Variants in NPAS3 observed in about 807,000 individuals in gnomAD.
NPAS3 encodes the protein neuronal PAS domain-containing protein 3.
A neutral mutation model predicts 73.1 loss-of-function variants in NPAS3; 14 were observed. That is an observed-to-expected ratio of 0.19 (90% CI 0.13 to 0.30). NPAS3 has a LOEUF of 0.30. Ranked by LOEUF, NPAS3 falls within the 10% of genes least tolerant of loss-of-function variation. The probability of loss-of-function intolerance (pLI) is 1.00; values close to 1 mark genes in which losing one functional copy is unlikely to be tolerated. For synonymous variants in NPAS3, 620 were observed against 541.5 expected (o/e 1.14, Z -2.01); for missense variants, 1,096 against 1,250.0 (o/e 0.88, Z 1.86).
chr14:32,944,222 A>C (rs78311055), intron 1 of NPAS3, among the ~76,000 whole-genome samples: 3,298 of 152,288 alleles, frequency 0.022, 115 homozygotes, highest in African/African-American at 0.075. Flanking sequence ...CCTCCATGCT[A>C]TGTTTACACA....
At chr14:33,040,939 T>A (rs548519577) in intron 1 of NPAS3, among the ~76,000 whole-genome samples, 1 of 152,190 alleles carries the variant, frequency 6.6e-6, no homozygotes, top group Non-Finnish European at 1.5e-5. Flanking sequence ...GGCTTGTTAC[T>A]GTTCCCAATT....
chr14:33,252,112 G>T (rs886507287), intron 3 of NPAS3, among the ~76,000 whole-genome samples: 1 of 148,258 alleles, frequency 6.7e-6, no homozygotes, highest in African/African-American at 2.5e-5. Context: ...ATTATGTTAG[G>T]ATCCACTTCT....
intron 3 of NPAS3, among the ~76,000 whole-genome samples, chr14:33,322,730 G>C (rs186029727): frequency 5.1e-4 from 77 of 152,130 alleles, no homozygotes; most frequent in African/African-American, 1.8e-3. Flanking sequence ...AACTACAGTA[G>C]GTGAACCAAA....
chr14:33,094,771 A>G (rs1595436058), intron 2 of NPAS3, among the ~76,000 whole-genome samples: 1 of 152,154 alleles, frequency 6.6e-6, no homozygotes, highest in African/African-American at 2.4e-5. Context: ...AGGCTGATGA[A>G]GTAATAACAG....
intron 4 of NPAS3, among the ~76,000 whole-genome samples, chr14:33,520,816 G>A (rs1296932986): frequency 6.6e-6 from 1 of 152,114 alleles, no homozygotes; most frequent in African/African-American, 2.4e-5. Flanking sequence ...TGAGTGGGAG[G>A]CAAGGCGAGG....
chr14:33,593,272 G>T (rs2057131774), intron 5 of NPAS3, among the ~76,000 whole-genome samples: 1 of 152,142 alleles, frequency 6.6e-6, no homozygotes. Flanking sequence ...ATTAAGGTTT[G>T]CCCAAAGTCT....
At chr14:32,989,537 G>C (rs978503271) in intron 1 of NPAS3, among the ~76,000 whole-genome samples, 5 of 151,954 alleles carry the variant, frequency 3.3e-5, no homozygotes, top group African/African-American at 1.2e-4. Flanking sequence ...CCAGCTACGC[G>C]GCAGGCTGAG....
At chr14:33,003,084 G>A (rs1241890984) in intron 1 of NPAS3, among the ~76,000 whole-genome samples, 9 of 145,580 alleles carry the variant, frequency 6.2e-5, no homozygotes, top group Admixed American at 2.1e-4. Context: ...TTTTTTTTTC[G>A]CAGAATTGAG....
At position 32,939,592 on chromosome 14, in the gene NPAS3, C is replaced by T. The variant is rs1409615671; in HGVS notation, c.50+226C>T. The stretch of plus-strand genomic sequence containing the variant: ...CCGGGCTCTCTGAGCAGTCGCACCT[C>T]CTCGGCTCGGCGAATAGAGTGACTC... On this transcript the variant is annotated intron_variant, in intron 1 of 11. Coordinates refer to ENST00000356141, the Ensembl canonical transcript of NPAS3. Among the ~76,000 whole-genome samples, 4 of 141,632 alleles carry T rather than the reference C, an allele frequency of 2.8e-5. No homozygotes were observed. In the East Asian group the frequency reaches 8.0e-4, roughly 28 times the overall value. The allele number at this position is 141,632 out of a possible 152,430, so 92.9% of individuals were successfully genotyped here. A position where few individuals can be genotyped will look rare whatever the true frequency, so the allele number is the denominator to read the frequency against.
At chr14:33,568,882 C>G (rs1953483364) in intron 5 of NPAS3, among the ~76,000 whole-genome samples, 1 of 152,126 alleles carries the variant, frequency 6.6e-6, no homozygotes, top group South Asian at 2.1e-4. Flanking sequence ...ATCCTCACTC[C>G]CTTCTTTGGA....
chr14:33,587,304 C>CA (rs75003559), intron 5 of NPAS3, among the ~76,000 whole-genome samples: 3 of 151,792 alleles, frequency 2.0e-5, no homozygotes, highest in South Asian at 2.1e-4. Flanking sequence ...TTACCCATGA[C>CA]AAAAAAAACT....
chr14:33,361,242 C>A (rs1180187306), intron 3 of NPAS3, among the ~76,000 whole-genome samples: 3 of 152,084 alleles, frequency 2.0e-5, no homozygotes, highest in African/African-American at 7.2e-5. Context: ...TTGTTGCTGA[C>A]CAAATATACA....
At chr14:33,761,634 C>T (rs957790263) in intron 7 of NPAS3, among the ~76,000 whole-genome samples, 1 of 152,122 alleles carries the variant, frequency 6.6e-6, no homozygotes, top group Admixed American at 6.5e-5. Context: ...TGGTCACAAT[C>T]AGGGATAAAT....
intron 4 of NPAS3, among the ~76,000 whole-genome samples, chr14:33,371,690 A>ATG (rs973102703): frequency 3.3e-5 from 5 of 152,232 alleles, no homozygotes; most frequent in Admixed American, 6.5e-5. Flanking sequence ...CAACGTGTCT[A>ATG]TGTGTGTGTG....
At chr14:33,803,637 TG>T (rs1458298982), downstream of NPAS3, 1 of 151,056 alleles carries the variant, frequency 6.6e-6, no homozygotes, top group Non-Finnish European at 1.5e-5. Context: ...TGTGTCAAAA[TG>T]ATTTCTGGTG....
chr14:33,635,696 T>TCTAA (rs2058495448), intron 5 of NPAS3, among the ~76,000 whole-genome samples: 1 of 152,182 alleles, frequency 6.6e-6, no homozygotes, highest in Non-Finnish European at 1.5e-5. Flanking sequence ...GTATGAGCAA[T>TCTAA]CTAACTACTG....
chr14:33,255,785 A>G (rs1471565292), intron 3 of NPAS3, among the ~76,000 whole-genome samples: 1 of 152,160 alleles, frequency 6.6e-6, no homozygotes, highest in East Asian at 1.9e-4. Context: ...CTTTCACTAG[A>G]TGCCAGCAAT....
chr14:33,282,811 G>C (rs950314990), intron 3 of NPAS3, among the ~76,000 whole-genome samples: 1 of 152,152 alleles, frequency 6.6e-6, no homozygotes, highest in Non-Finnish European at 1.5e-5. Context: ...CATCTGAATG[G>C]ATAACACCAT....
intron 2 of NPAS3, among the ~76,000 whole-genome samples, chr14:33,081,302 T>A (rs2041856213): frequency 6.6e-6 from 1 of 152,278 alleles, no homozygotes; most frequent in South Asian, 2.1e-4. Context: ...AATAAAAATC[T>A]AGAGCAGTCT....
Sources: gnomAD v4.1 joint callset for allele counts (sites outside exome capture counted in the v4.1 genomes callset) on GRCh38, gnomAD v4.1.1 for gene constraint, MANE v1.5 for transcripts, NCBI Gene and HGNC (gene_info 2026-07-23, HGNC 2026-07-21) for gene names.